The following SORCS2 variants were observed in gnomAD, a reference collection of about 807,000 sequenced individuals.
SORCS2 encodes VPS10 domain-containing receptor SorCS2.
Under a neutral mutation model 141.6 loss-of-function variants are expected in SORCS2, and 100 were observed. The observed-to-expected ratio is 0.71, with a 90% CI of 0.60 to 0.83. SORCS2 has a LOEUF of 0.83. Among genes scored for constraint, SORCS2 ranks in the 40% least tolerant of loss-of-function variants. The probability of loss-of-function intolerance (pLI) is 0.00; values close to 1 mark genes in which losing one functional copy is unlikely to be tolerated. For synonymous variants in SORCS2, 789 were observed against 676.9 expected (o/e 1.17, Z -2.57); for missense variants, 1,646 against 1,560.2 (o/e 1.05, Z -0.93).
intron 3 of SORCS2, among the ~76,000 whole-genome samples, chr4:7,549,291 G>A (rs188332222): frequency 1.1e-4 from 17 of 152,218 alleles, no homozygotes; most frequent in Non-Finnish European, 2.1e-4. Flanking sequence ...CAACTCAGCA[G>A]CAAGTCTATC....
At chr4:7,604,966 C>T (rs557655687) in intron 3 of SORCS2, among the ~76,000 whole-genome samples, 31 of 152,284 alleles carry the variant, frequency 2.0e-4, no homozygotes, top group South Asian at 1.2e-3. Flanking sequence ...CAAGATATCC[C>T]GCTGAGTTAG....
chr4:7,715,390 G>T, intron 17 of SORCS2, 79 bp downstream of exon 17: 2 of 1,568,512 alleles, frequency 1.3e-6, no homozygotes, highest in Non-Finnish European at 1.7e-6. Flanking sequence ...CGCCTTCCTG[G>T]CTGGTGCCTG....
intron 19 of SORCS2, among the ~76,000 whole-genome samples, chr4:7,724,277 G>GTGATAGTGCTGGTGAGGA (rs770037495): frequency 7.0e-6 from 1 of 142,780 alleles, no homozygotes; most frequent in African/African-American, 2.6e-5. Flanking sequence ...GATGATGGTG[G>GTGATAGTGCTGGTGAGGA]TGGTGGTGGT....
chr4:7,558,213 C>G (rs1212164199), intron 3 of SORCS2, among the ~76,000 whole-genome samples: 5 of 152,208 alleles, frequency 3.3e-5, no homozygotes, highest in African/African-American at 1.2e-4. Flanking sequence ...ATTTGAGAAA[C>G]AGATTCTCTT....
At chr4:7,425,356 C>G (rs1175955209) in intron 2 of SORCS2, among the ~76,000 whole-genome samples, 1 of 152,166 alleles carries the variant, frequency 6.6e-6, no homozygotes, top group Non-Finnish European at 1.5e-5. Context: ...ATGAGATGAC[C>G]CCGATAAAGG....
In SORCS2 at chr4:7,192,898, G is replaced by C; in HGVS notation, c.252G>C (p.Arg84=). 1.7e-6 allele frequency: 2 copies of C among 1,154,218 alleles called. No individual in the cohort carries two copies. Among genetic ancestry groups the C allele is most frequent in the Non-Finnish European group, 2.1e-6 (2 of 939,560 alleles). The allele number at this position is 1,154,218 out of a possible 1,614,324, so 71.5% of individuals were successfully genotyped here. Residue 84 remains arginine, a synonymous_variant, in exon 1 of 27, where the codon CGG becomes CGC. Transcript: ENST00000507866. This position sits in a 1 kb window ranked among gnomAD's most constrained non-coding sequence, Gnocchi z 4.0. ...GRAEPGGGED[R]QARGTEPGAP... ...CGGAGCCCGGTGGCGGCGAGGACCG[G>C]CAGGCGCGCGGCACGGAGCCAGGCG...
intron 1 of SORCS2, among the ~76,000 whole-genome samples, chr4:7,394,924 C>T (rs777063570): frequency 3.1e-4 from 47 of 152,286 alleles, no homozygotes; most frequent in Non-Finnish European, 5.9e-4. Context: ...CCACTCTAGG[C>T]TGTACAAAAT....
At chr4:7,366,748 T>A (rs367863870) in intron 1 of SORCS2, among the ~76,000 whole-genome samples, 3 of 152,044 alleles carry the variant, frequency 2.0e-5, no homozygotes, top group South Asian at 4.2e-4. Context: ...GCTCACCACA[T>A]GTGTTTCATG....
chr4:7,212,304 G>A (rs962182519), intron 1 of SORCS2, among the ~76,000 whole-genome samples: 1 of 152,200 alleles, frequency 6.6e-6, no homozygotes, highest in African/African-American at 2.4e-5. Context: ...CTGGAGGGCG[G>A]GGAACACGTT....
Position 7,661,506 on chromosome 4 carries a change from G to T in SORCS2, c.894G>T (p.Val298=). 6.4e-7 allele frequency: 1 copy of T among 1,551,688 alleles called. No individual in the cohort carries two copies. Among genetic ancestry groups the T allele is most frequent in the Non-Finnish European group, 8.7e-7 (1 of 1,147,020 alleles). ...CTCAGCTCTTCTTTTCCAGGTCTGT[G>T]TCTGGGGTGGACGCTGACCCTGACT... The part of the protein sequence containing the change: ...RVTKDHVFWS[V]SGVDADPDLV... The change falls in exon 6 of 27, where the codon GTG becomes GTT. Residue 298 remains valine, a synonymous_variant. Coordinates refer to ENST00000507866, the MANE Select transcript of SORCS2 (RefSeq NM_020777.3).
intron 9 of SORCS2, among the ~76,000 whole-genome samples, chr4:7,678,648 T>G (rs1352653480): frequency 7.0e-6 from 1 of 141,960 alleles, no homozygotes; most frequent in East Asian, 2.2e-4. Flanking sequence ...GGCCTCAAGG[T>G]GAGAGGAAGC....
Position 7,654,015 on chromosome 4 carries a change from C to G in SORCS2, c.814-119C>G, listed in dbSNP as rs528316519. 1.7e-3 allele frequency: 1,667 copies of G among 973,420 alleles called. 3 individuals carry two copies. The highest frequency in any genetic ancestry group is 4.0e-3 in the Admixed American group (186 of 46,392). 60.3% of individuals were successfully genotyped at this position (973,420 alleles called of 1,614,324 possible). A position where few individuals can be genotyped will look rare whatever the true frequency, so the allele number is the denominator to read the frequency against. On this transcript the variant is annotated intron_variant, in intron 4 of 26. Transcript: ENST00000507866. ...CATGAGCACAGCGCCTCCGCGTGTC[C>G]GCTGGACAAGGATGACTTCTCCTGG...
chr4:7,723,048 G>A (rs946718386), intron 18 of SORCS2, among the ~76,000 whole-genome samples: 3 of 152,092 alleles, frequency 2.0e-5, no homozygotes, highest in Admixed American at 6.5e-5. Flanking sequence ...CCACCTCTGC[G>A]AGGGAAATGC....
chr4:7,543,967 TCCATCCAC>T (rs1713024842), intron 3 of SORCS2, among the ~76,000 whole-genome samples: 3 of 72,274 alleles, frequency 4.2e-5, no homozygotes, highest in African/African-American at 1.0e-4. Flanking sequence ...CATCCATCCA[TCCATCCAC>T]CCATCCGTCC....
intron 3 of SORCS2, among the ~76,000 whole-genome samples, chr4:7,616,996 T>C (rs1718806448): frequency 6.6e-6 from 1 of 152,186 alleles, no homozygotes; most frequent in Non-Finnish European, 1.5e-5. Flanking sequence ...AGGTGGACAA[T>C]TGGTCACTCT....
chr4:7,496,378 C>T (rs928654391), intron 2 of SORCS2, among the ~76,000 whole-genome samples: 6 of 151,892 alleles, frequency 4.0e-5, no homozygotes, highest in Non-Finnish European at 7.4e-5. Context: ...GCGCTTCCTA[C>T]CACACCACCC....
At chr4:7,520,157 G>A (rs758739438) in intron 2 of SORCS2, among the ~76,000 whole-genome samples, 5 of 152,188 alleles carry the variant, frequency 3.3e-5, no homozygotes, top group Middle Eastern at 3.2e-3. Context: ...GCACGGCACC[G>A]CTGGCTGCAG....
intron 2 of SORCS2, among the ~76,000 whole-genome samples, chr4:7,423,221 T>G (rs917759436): frequency 1.3e-5 from 2 of 152,200 alleles, no homozygotes; most frequent in African/African-American, 4.8e-5. Flanking sequence ...GCTCAGGCCT[T>G]AAATGCATTA....
intron 2 of SORCS2, among the ~76,000 whole-genome samples, chr4:7,464,616 TGA>T (rs1729499193): frequency 6.6e-6 from 1 of 152,002 alleles, no homozygotes. Flanking sequence ...TATTTTAGGG[TGA>T]GAGTTTGTAC....
Sources: allele counts gnomAD v4.1 joint callset (sites outside exome capture counted in the v4.1 genomes callset), GRCh38; gene constraint gnomAD v4.1.1; non-coding constraint Gnocchi (gnomAD v3.1); transcripts MANE v1.5; gene names NCBI Gene and HGNC (gene_info 2026-07-23, HGNC 2026-07-21).